Variants in IL1RAPL2 observed in about 807,000 individuals in gnomAD.
The protein encoded by IL1RAPL2 is interleukin 1 receptor accessory protein like 2, also known as X-linked interleukin-1 receptor accessory protein-like 2.
In IL1RAPL2, 3 loss-of-function variants were observed where a neutral mutation model predicts 44.1. The ratio of observed to expected loss-of-function variants is 0.07; its 90% CI spans 0.03 to 0.18. The LOEUF is 0.18. IL1RAPL2 is among the 10% of genes least tolerant of loss of function. The pLI is 1.00. For missense variants in IL1RAPL2, 391 were observed against 496.4 expected (o/e 0.79, Z 2.02); for synonymous variants, 181 against 178.8 (o/e 1.01, Z -0.10).
chrX:104,659,475 G>A (rs937620137), intron 2 of IL1RAPL2, among the ~76,000 whole-genome samples: 14 of 111,855 alleles, frequency 1.3e-4, no homozygotes, highest in African/African-American at 4.2e-4. Flanking sequence ...CTAATTGCCC[G>A]AAGAGGAATT....
intron 2 of IL1RAPL2, among the ~76,000 whole-genome samples, chrX:104,733,109 T>G (rs966429746): frequency 9.0e-6 from 1 of 111,551 alleles, no homozygotes; most frequent in Non-Finnish European, 1.9e-5. Flanking sequence ...CCTAGAAAAC[T>G]ATACAAAAAA....
intron 2 of IL1RAPL2, among the ~76,000 whole-genome samples, chrX:104,970,891 A>G (rs1602860836): frequency 1.8e-5 from 2 of 112,181 alleles, no homozygotes. Context: ...TAAGGGGCCC[A>G]CAGGCAAGAC....
intron 2 of IL1RAPL2, among the ~76,000 whole-genome samples, chrX:105,052,918 C>T (rs1196525814): frequency 2.7e-5 from 3 of 110,796 alleles, no homozygotes; most frequent in Non-Finnish European, 3.8e-5. Context: ...GTTCCCCTCT[C>T]TGTGTCCAAG....
At chrX:105,410,973 G>A (rs1452313856) in intron 5 of IL1RAPL2, among the ~76,000 whole-genome samples, 6 of 111,808 alleles carry the variant, frequency 5.4e-5, no homozygotes, top group Non-Finnish European at 9.4e-5. Flanking sequence ...ATAATTAGTG[G>A]CTAAGGTAGA....
intron 2 of IL1RAPL2, among the ~76,000 whole-genome samples, chrX:105,078,838 G>A (rs772194386): frequency 1.9e-4 from 21 of 112,776 alleles, no homozygotes; most frequent in African/African-American, 5.1e-4. Context: ...AGCCAGGTGC[G>A]GGATATAATC....
At chrX:105,516,635 C>T (rs539299780) in intron 6 of IL1RAPL2, among the ~76,000 whole-genome samples, 23 of 111,646 alleles carry the variant, frequency 2.1e-4, no homozygotes, top group African/African-American at 7.2e-4. Flanking sequence ...CCCACTATAC[C>T]AATTAGAGTG....
At chrX:105,665,750 T>TG (rs1211398391) in intron 6 of IL1RAPL2, among the ~76,000 whole-genome samples, 44 of 85,654 alleles carry the variant, frequency 5.1e-4, no homozygotes, top group African/African-American at 1.1e-3. Flanking sequence ...TTGTTTTTTT[T>TG]TTTTTGTTGT....
At chrX:104,676,404 C>CT (rs1930758705) in intron 2 of IL1RAPL2, among the ~76,000 whole-genome samples, 1 of 111,561 alleles carries the variant, frequency 9.0e-6, no homozygotes, top group Non-Finnish European at 1.9e-5. Flanking sequence ...AAATTCTTTT[C>CT]TTTAAGAATG....
chrX:104,761,455 G>A (rs1932426053), intron 2 of IL1RAPL2, among the ~76,000 whole-genome samples: 2 of 110,580 alleles, frequency 1.8e-5, no homozygotes, highest in African/African-American at 6.6e-5. Flanking sequence ...AATTCAAGGT[G>A]AGATTTGGGT....
At chrX:105,262,420 C>A (rs2034366654) in intron 4 of IL1RAPL2, among the ~76,000 whole-genome samples, 1 of 111,642 alleles carries the variant, frequency 9.0e-6, no homozygotes, top group South Asian at 3.7e-4. Context: ...AAGCAAAGTA[C>A]TAAAAGTAAT....
intron 2 of IL1RAPL2, among the ~76,000 whole-genome samples, chrX:105,039,340 A>C (rs2031681068): frequency 8.9e-6 from 1 of 112,107 alleles, no homozygotes; most frequent in South Asian, 3.7e-4. Flanking sequence ...AAGGGAAAAC[A>C]GCTCTGTGAG....
chrX:105,150,878 A>G (rs938299444), intron 2 of IL1RAPL2, among the ~76,000 whole-genome samples: 3 of 112,067 alleles, frequency 2.7e-5, no homozygotes, highest in African/African-American at 6.5e-5. Flanking sequence ...GAAATGGAAA[A>G]AAAAATCAAG....
At chrX:105,140,428 A>G (rs1271724670) in intron 2 of IL1RAPL2, among the ~76,000 whole-genome samples, 1 of 112,731 alleles carries the variant, frequency 8.9e-6, no homozygotes, top group Non-Finnish European at 1.9e-5. Flanking sequence ...TGCCAAAGAT[A>G]GAATAAAAGG....
intron 2 of IL1RAPL2, among the ~76,000 whole-genome samples, chrX:104,971,301 T>C (rs2147721328): frequency 9.0e-6 from 1 of 111,260 alleles, no homozygotes; most frequent in South Asian, 3.9e-4. Context: ...TGAGCCGAGA[T>C]TGCACCACTG....
chrX:104,878,612 A>C (rs1922974656), intron 2 of IL1RAPL2, among the ~76,000 whole-genome samples: 1 of 111,864 alleles, frequency 8.9e-6, no homozygotes, highest in Non-Finnish European at 1.9e-5. Context: ...GGCTAATCAT[A>C]GTTAAACTTA....
At chrX:104,743,099 A>G (rs1436608625) in intron 2 of IL1RAPL2, among the ~76,000 whole-genome samples, 1 of 111,253 alleles carries the variant, frequency 9.0e-6, no homozygotes, top group Admixed American at 9.6e-5. Context: ...CAAGAAGTTA[A>G]GCAGTAGCTG....
intron 2 of IL1RAPL2, among the ~76,000 whole-genome samples, chrX:104,995,401 T>G (rs2030730534): frequency 9.0e-6 from 1 of 111,617 alleles, no homozygotes; most frequent in Admixed American, 9.6e-5. Flanking sequence ...AATTAAATAG[T>G]CCAGGTCTAT....
At chrX:104,789,275 T>C (rs757920219) in intron 2 of IL1RAPL2, among the ~76,000 whole-genome samples, 65 of 111,927 alleles carry the variant, frequency 5.8e-4, no homozygotes, top group Non-Finnish European at 1.0e-3. Flanking sequence ...AGTTAGTTTT[T>C]CAACTCTTGC....
intron 2 of IL1RAPL2, among the ~76,000 whole-genome samples, chrX:105,029,889 T>C (rs1216103194): frequency 3.6e-5 from 4 of 111,519 alleles, no homozygotes; most frequent in African/African-American, 1.3e-4. Flanking sequence ...GTGTTCCTAT[T>C]TCTCCACATC....
Sources: allele counts gnomAD v4.1 joint callset (sites outside exome capture counted in the v4.1 genomes callset), GRCh38; gene constraint gnomAD v4.1.1; transcripts MANE v1.5; gene names NCBI Gene and HGNC (gene_info 2026-07-23, HGNC 2026-07-21).